TSPAN9: variants seen among roughly 807,000 people sequenced by gnomAD.
TSPAN9 encodes the protein tetraspanin-9.
Under a neutral mutation model 31.0 loss-of-function variants are expected in TSPAN9, and 16 were observed. The ratio of observed to expected loss-of-function variants is 0.52; its 90% CI spans 0.35 to 0.78. The LOEUF (loss-of-function observed/expected upper bound fraction) is 0.78. TSPAN9 is among the 30% of genes least tolerant of loss of function. The pLI, the probability that TSPAN9 is intolerant of heterozygous loss-of-function variation, is 0.01. For synonymous variants in TSPAN9, 145 were observed against 121.6 expected, an observed-to-expected ratio of 1.19 and a Z score of -1.27; for missense variants, 272 against 312.5, an observed-to-expected ratio of 0.87 and a Z score of 0.98.
intron 3 of TSPAN9, among the ~76,000 whole-genome samples, chr12:3,254,999 G>T (rs1200641675): frequency 1.3e-5 from 2 of 152,174 alleles, no homozygotes; most frequent in African/African-American, 4.8e-5. Context: ...GGCAGCAGCT[G>T]CCCTGTCGCC....
At chr12:3,079,945 A>AATTTT (rs1555138024) in intron 1 of TSPAN9, among the ~76,000 whole-genome samples, 1 of 140,316 alleles carries the variant, frequency 7.1e-6, no homozygotes, top group Non-Finnish European at 1.5e-5. Context: ...AATTAAAAAA[A>AATTTT]TTTTTTTTTT....
intron 2 of TSPAN9, among the ~76,000 whole-genome samples, chr12:3,136,436 G>A (rs975680293): frequency 5.9e-5 from 9 of 152,164 alleles, no homozygotes; most frequent in South Asian, 2.1e-4. Flanking sequence ...CTCCCCCACA[G>A]CCCCTGTGTC....
intron 2 of TSPAN9, among the ~76,000 whole-genome samples, chr12:3,161,759 A>T (rs1393222567): frequency 6.6e-6 from 1 of 151,612 alleles, no homozygotes; most frequent in Non-Finnish European, 1.5e-5. Context: ...GTCCTCTCCA[A>T]ATCTTGGGTT....
In TSPAN9 at chr12:3,283,242, C is replaced by A. The variant is rs1862936115; in HGVS notation, c.*126C>A. ...ACCCACCCCCCACAGCCTGCCCTAC[C>A]CCACCTACCCTGCCTCAGCCTCGGA... On this transcript the variant is annotated 3_prime_UTR_variant, in exon 9 of 9. Transcript: ENST00000011898. 1.1e-6 allele frequency: 1 copy of A among 933,160 alleles called. No individual in the cohort carries two copies. The allele number at this position is 933,160 out of a possible 1,614,324, so 57.8% of individuals were successfully genotyped here. A position where few individuals can be genotyped will look rare whatever the true frequency, so the allele number is the denominator to read the frequency against.
At position 3,092,409 on chromosome 12, in the gene TSPAN9, T is replaced by C. The variant is rs567010655; in HGVS notation, c.-18+8690T>C. On this transcript the variant is annotated intron_variant, in intron 2 of 8. Coordinates refer to ENST00000011898, the MANE Select transcript of TSPAN9 (RefSeq NM_006675.5). Reference sequence around the variant, plus strand: ...AAGAGAGCTTTAGCCAAGTGTAAAGTTAGGTCAGTCCCCAGCTCTTTCTGC... The same window carrying C: ...AAGAGAGCTTTAGCCAAGTGTAAAGCTAGGTCAGTCCCCAGCTCTTTCTGC... Among the ~76,000 whole-genome samples the C allele has an allele frequency of 1.1e-3, 161 of 152,292 alleles. 1 individual carries two copies. The highest frequency in any genetic ancestry group is 3.8e-3 in the African/African-American group (157 of 41,562).
chr12:3,155,010 T>TTC (rs1399049695), intron 2 of TSPAN9, among the ~76,000 whole-genome samples: 1 of 152,244 alleles, frequency 6.6e-6, no homozygotes, highest in Non-Finnish European at 1.5e-5. Context: ...TTCTACATGG[T>TTC]TCTCTTGGTT....
At position 3,095,510 on chromosome 12, in the gene TSPAN9, C is replaced by G. The variant is rs1298303366; in HGVS notation, c.-18+11791C>G. On this transcript the variant is annotated intron_variant, in intron 2 of 8. Transcript: ENST00000011898. ...TGGCCGGGCGGGGGACTGACCCCCC[C>G]CCACCTCCCTCCCGGACGGGGCGGC... Among the ~76,000 whole-genome samples the G allele has an allele frequency of 8.0e-5, 10 of 124,422 alleles. 1 individual carries two copies. The highest frequency in any genetic ancestry group is 3.0e-4 in the Admixed American group (4 of 13,176). 81.6% of individuals were successfully genotyped at this position (124,422 alleles called of 152,430 possible).
chr12:3,091,985 G>A (rs1411137538), intron 2 of TSPAN9, among the ~76,000 whole-genome samples: 1 of 152,164 alleles, frequency 6.6e-6, no homozygotes, highest in African/African-American at 2.4e-5. Flanking sequence ...TCAGCTCACA[G>A]GTTTTATATT....
intron 2 of TSPAN9, among the ~76,000 whole-genome samples, chr12:3,136,602 A>G (rs577403565): frequency 3.7e-4 from 57 of 152,252 alleles, no homozygotes; most frequent in African/African-American, 1.3e-3. Flanking sequence ...TTGCATGAGT[A>G]GGGTTGGAAG....
At chr12:3,164,488 A>G (rs928587850) in intron 2 of TSPAN9, among the ~76,000 whole-genome samples, 2 of 152,042 alleles carry the variant, frequency 1.3e-5, no homozygotes, top group Non-Finnish European at 2.9e-5. Flanking sequence ...GGTCTTCTTT[A>G]CTCTCTGGCT....
chr12:3,077,760 C>G (rs1225828110), intron 1 of TSPAN9, among the ~76,000 whole-genome samples: 1 of 152,122 alleles, frequency 6.6e-6, no homozygotes. Context: ...AGGGAGTAAC[C>G]CGGGGCCGGC....
Position 3,192,318 on chromosome 12 carries a change from T to A in TSPAN9, c.-17-8859T>A, listed in dbSNP as rs2098364812. On this transcript the variant is annotated intron_variant, in intron 2 of 8. Transcript: ENST00000011898. The surrounding 1 kb of genome is among the most constrained non-coding windows in gnomAD (Gnocchi z 4.6). ...GATTGCATTGGCTGCTCTTGGTGAA[T>A]GGGTGGGCGCAGGAGGGAATGGAAG... 6.6e-6 allele frequency among the ~76,000 whole-genome samples: 1 copy of A among 151,732 alleles called. No individual in the cohort carries two copies. Among genetic ancestry groups the A allele is most frequent in the African/African-American group, 2.4e-5 (1 of 41,302 alleles).
At chr12:3,190,086 TCA>T (rs1484217175) in intron 2 of TSPAN9, among the ~76,000 whole-genome samples, 10 of 152,338 alleles carry the variant, frequency 6.6e-5, no homozygotes, top group Non-Finnish European at 1.5e-4. Context: ...CAAGTGCTGC[TCA>T]CACACTGCCT....
At chr12:3,183,859 T>C (rs1265882436) in intron 2 of TSPAN9, among the ~76,000 whole-genome samples, 2 of 152,202 alleles carry the variant, frequency 1.3e-5, no homozygotes, top group Non-Finnish European at 2.9e-5. Flanking sequence ...AATCTTTTTG[T>C]AAGTTGGGTA....
chr12:3,185,121 T>G (rs1264022482), intron 2 of TSPAN9, among the ~76,000 whole-genome samples: 1 of 152,226 alleles, frequency 6.6e-6, no homozygotes. Context: ...GGTTTCAGCA[T>G]GCATTTGGAA....
intron 3 of TSPAN9, among the ~76,000 whole-genome samples, chr12:3,210,484 T>G (rs2098378058): frequency 6.6e-6 from 1 of 152,250 alleles, no homozygotes; most frequent in Non-Finnish European, 1.5e-5. Flanking sequence ...GTTTGTCTTT[T>G]GTTCATTTTT....
At chr12:3,109,082 C>T (rs929115559) in intron 2 of TSPAN9, among the ~76,000 whole-genome samples, 5 of 151,990 alleles carry the variant, frequency 3.3e-5, no homozygotes, top group African/African-American at 7.3e-5. Context: ...ACTACAGGCA[C>T]TCGCCACCAC....
intron 2 of TSPAN9, among the ~76,000 whole-genome samples, chr12:3,086,970 A>G (rs1043192267): frequency 1.3e-5 from 2 of 152,060 alleles, no homozygotes; most frequent in African/African-American, 4.8e-5. Context: ...TCCCCTTGCA[A>G]TGTGGGGAAT....
intron 3 of TSPAN9, among the ~76,000 whole-genome samples, chr12:3,221,397 C>T (rs1420561356): frequency 1.5e-5 from 2 of 134,842 alleles, no homozygotes; most frequent in South Asian, 2.3e-4. Context: ...TCATTCTTGT[C>T]GCCCAGGCTG....
Sources: allele counts gnomAD v4.1 joint callset (sites outside exome capture counted in the v4.1 genomes callset), GRCh38; gene constraint gnomAD v4.1.1; non-coding constraint Gnocchi (gnomAD v3.1); transcripts MANE v1.5; gene names NCBI Gene and HGNC (gene_info 2026-07-23, HGNC 2026-07-21).